STIM1: variants seen among roughly 807,000 people sequenced by gnomAD.
STIM1 encodes the protein stromal interaction molecule 1.
A neutral mutation model predicts 74.7 loss-of-function variants in STIM1; 25 were observed. The observed-to-expected ratio is 0.33, with a 90% CI of 0.24 to 0.47. The LOEUF (loss-of-function observed/expected upper bound fraction) is 0.47, where lower values mean the gene tolerates loss of function less well. STIM1 is among the 20% of genes least tolerant of loss of function. The probability of loss-of-function intolerance (pLI) is 1.00; values close to 1 mark genes in which losing one functional copy is unlikely to be tolerated. For synonymous variants in STIM1, 328 were observed against 348.8 expected, an observed-to-expected ratio of 0.94 and a Z score of 0.66; for missense variants, 728 against 920.8, an observed-to-expected ratio of 0.79 and a Z score of 2.71.
chr11:3,996,556 T>G (rs1339857263), intron 2 of STIM1, among the ~76,000 whole-genome samples: 2 of 152,078 alleles, frequency 1.3e-5, no homozygotes, highest in Non-Finnish European at 2.9e-5. Context: ...ACAGGGAGCT[T>G]GAGAGAGAAG....
rs965452708 is a variant in STIM1, at chr11:3,991,739, G to A, written c.270+24057G>A. On this transcript the variant is annotated intron_variant, in intron 2 of 12. Coordinates refer to ENST00000526596, the MANE Select transcript of STIM1 (RefSeq NM_001382567.1). Reference sequence around the variant, plus strand: ...TGAGGCGGGTGGATCACCTGAGGTCGGGGTTCAAGACCAGCCTGACCAACA... The same window carrying A: ...TGAGGCGGGTGGATCACCTGAGGTCAGGGTTCAAGACCAGCCTGACCAACA... 6.6e-5 allele frequency among the ~76,000 whole-genome samples: 10 copies of A among 150,614 alleles called. No individual in the cohort carries two copies. In the South Asian group the frequency reaches 8.5e-4, roughly 13 times the overall value.
At chr11:3,968,948 C>A (rs1354094116) in intron 2 of STIM1, among the ~76,000 whole-genome samples, 1 of 152,162 alleles carries the variant, frequency 6.6e-6, no homozygotes, top group Non-Finnish European at 1.5e-5. Context: ...TAAGCATTTT[C>A]TTCAGGGACA....
chr11:3,901,311 G>T (rs1021613460), intron 1 of STIM1, among the ~76,000 whole-genome samples: 3 of 152,148 alleles, frequency 2.0e-5, no homozygotes, highest in Admixed American at 6.5e-5. Context: ...GATAAGGAAA[G>T]GTATACAGGG....
At chr11:3,932,399 A>C (rs1210319788) in intron 1 of STIM1, among the ~76,000 whole-genome samples, 2 of 152,212 alleles carry the variant, frequency 1.3e-5, no homozygotes, top group Non-Finnish European at 2.9e-5. Context: ...GTGGTGGCTC[A>C]CGCCTGTAAT....
At chr11:4,000,784 C>T (rs1362233269) in intron 2 of STIM1, among the ~76,000 whole-genome samples, 1 of 152,164 alleles carries the variant, frequency 6.6e-6, no homozygotes, top group African/African-American at 2.4e-5. Context: ...AATCAAACTA[C>T]TCCAAGCTAC....
At chr11:4,076,902 G>T (rs905805847) in intron 7 of STIM1, among the ~76,000 whole-genome samples, 13 of 151,532 alleles carry the variant, frequency 8.6e-5, no homozygotes, top group Admixed American at 6.6e-5. Context: ...TATGCTGTGT[G>T]GGTGTAGTCC....
chr11:3,926,186 A>G (rs2092786192), intron 1 of STIM1, among the ~76,000 whole-genome samples: 1 of 152,136 alleles, frequency 6.6e-6, no homozygotes, highest in African/African-American at 2.4e-5. Flanking sequence ...TTTAGTTGAG[A>G]AAAAAATATA....
intron 1 of STIM1, among the ~76,000 whole-genome samples, chr11:3,939,892 G>A (rs369339873): frequency 1.3e-5 from 2 of 152,240 alleles, no homozygotes; most frequent in East Asian, 3.9e-4. Flanking sequence ...CCCTTGTTCT[G>A]TAGCTGAAGC....
chr11:3,873,418 CAAAAAAA>C (rs1159126517), intron 1 of STIM1, among the ~76,000 whole-genome samples: 2 of 57,124 alleles, frequency 3.5e-5, no homozygotes, highest in Admixed American at 2.0e-4. Flanking sequence ...AGCTCCATTT[CAAAAAAA>C]AAAAAAAAAA....
intron 1 of STIM1, among the ~76,000 whole-genome samples, chr11:3,881,891 C>T (rs1009920081): frequency 2.5e-4 from 38 of 151,104 alleles, no homozygotes; most frequent in African/African-American, 7.5e-4. Context: ...AAGCTGGTCT[C>T]GAACTCCTGA....
In STIM1 at chr11:3,867,842, T is replaced by TGGCA. The variant is rs989812350; in HGVS notation, c.139+11458_139+11461dup. On this transcript the variant is annotated intron_variant, in intron 1 of 12. Coordinates refer to ENST00000526596, the MANE Select transcript of STIM1 (RefSeq NM_001382567.1). ...CCTAGGTAATGACCAGAAATCTCAC[T>TGGCA]GGCAGGCAGGCAGGCAGGCAGGCAG... 7.6e-5 allele frequency among the ~76,000 whole-genome samples: 10 copies of TGGCA among 130,868 alleles called. No homozygotes were observed. The South Asian group carries it at 1.3e-3, about 17-fold the overall frequency. 85.9% of individuals were successfully genotyped at this position (130,868 alleles called of 152,430 possible). A position where few individuals can be genotyped will look rare whatever the true frequency, so the allele number is the denominator to read the frequency against.
intron 9 of STIM1, 58 bp from the exon 10 acceptor site, chr11:4,083,205 A>AT: frequency 6.4e-7 from 1 of 1,554,494 alleles, no homozygotes; most frequent in Non-Finnish European, 8.9e-7. Context: ...AAGAGGCTTC[A>AT]TTCCTATTGG....
chr11:4,003,306 T>C (rs1407713482), intron 2 of STIM1, among the ~76,000 whole-genome samples: 6 of 151,292 alleles, frequency 4.0e-5, no homozygotes, highest in African/African-American at 1.5e-4. Context: ...TTTAGACCAA[T>C]ATCCTTGATG....
chr11:3,959,843 C>G (rs933215042), intron 1 of STIM1, among the ~76,000 whole-genome samples: 2 of 152,062 alleles, frequency 1.3e-5, no homozygotes, highest in African/African-American at 4.8e-5. Flanking sequence ...ACTATGTATA[C>G]CTTTGTACTG....
At chr11:4,002,719 G>A (rs1374281428) in intron 2 of STIM1, among the ~76,000 whole-genome samples, 3 of 149,278 alleles carry the variant, frequency 2.0e-5, no homozygotes, top group Non-Finnish European at 3.0e-5. Flanking sequence ...CTAGCAGAAG[G>A]CAAGAAATAA....
chr11:4,032,442 G>T (rs898178028), intron 3 of STIM1, among the ~76,000 whole-genome samples: 6 of 152,140 alleles, frequency 3.9e-5, no homozygotes, highest in African/African-American at 1.4e-4. Context: ...GATTACCATA[G>T]AATTATAATA....
intron 1 of STIM1, among the ~76,000 whole-genome samples, chr11:3,920,909 C>T (rs1461861629): frequency 6.6e-6 from 1 of 151,714 alleles, no homozygotes; most frequent in African/African-American, 2.4e-5. Flanking sequence ...GATTCTCCTG[C>T]CTCAGCCTCC....
intron 1 of STIM1, among the ~76,000 whole-genome samples, chr11:3,917,548 C>G (rs562893686): frequency 1.6e-4 from 24 of 151,952 alleles, no homozygotes; most frequent in African/African-American, 5.5e-4. Flanking sequence ...GATCCTCCCA[C>G]CTCAGCTTCT....
intron 1 of STIM1, among the ~76,000 whole-genome samples, chr11:3,871,621 T>C (rs1225213203): frequency 6.6e-6 from 1 of 152,254 alleles, no homozygotes; most frequent in African/African-American, 2.4e-5. Context: ...GCTTCTGTCT[T>C]AATGCCTTTT....
Sources: allele counts gnomAD v4.1 joint callset (sites outside exome capture counted in the v4.1 genomes callset), GRCh38; gene constraint gnomAD v4.1.1; transcripts MANE v1.5; gene names NCBI Gene and HGNC (gene_info 2026-07-23, HGNC 2026-07-21).